Variants in KCNH8 observed in about 807,000 individuals in gnomAD.
KCNH8 encodes voltage-gated delayed rectifier potassium channel KCNH8.
In KCNH8, 70 loss-of-function variants were observed where a neutral mutation model predicts 103.6. The observed-to-expected ratio is 0.68, with a 90% CI of 0.56 to 0.82. The LOEUF (loss-of-function observed/expected upper bound fraction) is 0.82. Among genes scored for constraint, KCNH8 ranks in the 40% least tolerant of loss-of-function variants. The pLI is 0.00. For synonymous variants in KCNH8, 498 were observed against 489.4 expected, an observed-to-expected ratio of 1.02 and a Z score of -0.23; for missense variants, 1,217 against 1,329.9, an observed-to-expected ratio of 0.92 and a Z score of 1.32.
intron 11 of KCNH8, among the ~76,000 whole-genome samples, chr3:19,493,327 A>C (rs534210360): frequency 6.6e-6 from 1 of 152,138 alleles, no homozygotes; most frequent in South Asian, 2.1e-4. Flanking sequence ...TCTCATCTTA[A>C]ATTGTAATCC....
At chr3:19,258,112 C>A (rs996382513) in intron 2 of KCNH8, among the ~76,000 whole-genome samples, 1 of 152,004 alleles carries the variant, frequency 6.6e-6, no homozygotes, top group Non-Finnish European at 1.5e-5. Context: ...TCTGTAAAGA[C>A]CCTATCTTCA....
chr3:19,294,425 C>G (rs577258257), intron 3 of KCNH8, among the ~76,000 whole-genome samples: 1 of 152,130 alleles, frequency 6.6e-6, no homozygotes, highest in Admixed American at 6.5e-5. Context: ...AAAACACATG[C>G]AAAATTTCTA....
At chr3:19,429,274 C>T (rs1013194761) in intron 7 of KCNH8, among the ~76,000 whole-genome samples, 1 of 147,562 alleles carries the variant, frequency 6.8e-6, no homozygotes, top group East Asian at 2.1e-4. Flanking sequence ...TCCGGGTTCA[C>T]GGCATTCTCC....
intron 7 of KCNH8, among the ~76,000 whole-genome samples, chr3:19,396,599 A>G (rs1488435084): frequency 6.6e-6 from 1 of 152,076 alleles, no homozygotes; most frequent in Non-Finnish European, 1.5e-5. Flanking sequence ...AAAATGGGGA[A>G]ATAAAACTAC....
At chr3:19,310,523 A>C (rs1266578742) in intron 3 of KCNH8, among the ~76,000 whole-genome samples, 1 of 151,888 alleles carries the variant, frequency 6.6e-6, no homozygotes, top group African/African-American at 2.4e-5. Context: ...GAGAATCATA[A>C]CATTATTGTT....
intron 1 of KCNH8, among the ~76,000 whole-genome samples, chr3:19,209,946 T>C (rs1225005016): frequency 2.6e-5 from 4 of 152,058 alleles, no homozygotes; most frequent in Non-Finnish European, 4.4e-5. Context: ...GCGGAAATAC[T>C]GCATAAACCA....
intron 3 of KCNH8, among the ~76,000 whole-genome samples, chr3:19,336,883 T>A (rs955118577): frequency 6.6e-6 from 1 of 151,886 alleles, no homozygotes; most frequent in African/African-American, 2.4e-5. Flanking sequence ...TGAGAGAAAG[T>A]GGAAAGGAAA....
intron 1 of KCNH8, among the ~76,000 whole-genome samples, chr3:19,199,951 A>G (rs946263006): frequency 3.3e-5 from 5 of 152,084 alleles, no homozygotes; most frequent in Non-Finnish European, 5.9e-5. Flanking sequence ...ATTTCTTTTT[A>G]AACTGCTCGG....
At chr3:19,489,077 G>A (rs567518772) in intron 11 of KCNH8, among the ~76,000 whole-genome samples, 2 of 152,260 alleles carry the variant, frequency 1.3e-5, no homozygotes, top group East Asian at 3.9e-4. Context: ...AGGGGCATTT[G>A]GATTCCAGTC....
intron 2 of KCNH8, among the ~76,000 whole-genome samples, chr3:19,277,003 G>A (rs992462592): frequency 6.6e-6 from 1 of 152,084 alleles, no homozygotes; most frequent in Non-Finnish European, 1.5e-5. Context: ...ATACATAATG[G>A]AATATTATTT....
chr3:19,395,673 ATAACT>A (rs1437683336), intron 7 of KCNH8, among the ~76,000 whole-genome samples: 3 of 152,040 alleles, frequency 2.0e-5, no homozygotes, highest in Non-Finnish European at 4.4e-5. Flanking sequence ...TATCACTACG[ATAACT>A]TAACTAATAA....
intron 2 of KCNH8, among the ~76,000 whole-genome samples, chr3:19,258,945 C>CTATATATATATATATATA (rs1165506732): frequency 9.5e-5 from 4 of 42,252 alleles, no homozygotes; most frequent in Non-Finnish European, 1.4e-4. Context: ...CTCTCTCTCT[C>CTATATATATATATATATA]TCTATATATA....
At chr3:19,286,213 T>C (rs1234740139) in intron 3 of KCNH8, among the ~76,000 whole-genome samples, 2 of 152,224 alleles carry the variant, frequency 1.3e-5, no homozygotes, top group Non-Finnish European at 2.9e-5. Flanking sequence ...TATGAACTGA[T>C]TCGTGTCACT....
At chr3:19,355,980 A>C (rs1478535330) in intron 5 of KCNH8, among the ~76,000 whole-genome samples, 1 of 151,794 alleles carries the variant, frequency 6.6e-6, no homozygotes, top group African/African-American at 2.4e-5. Context: ...TAGTAGTATT[A>C]ATTTGGCATC....
At chr3:19,183,419 A>G (rs1048589990) in intron 1 of KCNH8, among the ~76,000 whole-genome samples, 1 of 152,150 alleles carries the variant, frequency 6.6e-6, no homozygotes, top group African/African-American at 2.4e-5. Context: ...GGTATCGTGC[A>G]TGCATGGAAC....
intron 3 of KCNH8, among the ~76,000 whole-genome samples, chr3:19,317,842 A>G (rs886413296): frequency 2.0e-5 from 3 of 151,988 alleles, no homozygotes; most frequent in African/African-American, 7.2e-5. Context: ...AATAAGAGCC[A>G]TATATGACAA....
chr3:19,326,424 A>G (rs931546981), intron 3 of KCNH8, among the ~76,000 whole-genome samples: 1 of 149,508 alleles, frequency 6.7e-6, no homozygotes, highest in Non-Finnish European at 1.5e-5. Flanking sequence ...TGGTGTTGAT[A>G]TTAACTAGAC....
intron 2 of KCNH8, among the ~76,000 whole-genome samples, chr3:19,264,464 T>C (rs1211768395): frequency 1.3e-5 from 2 of 152,160 alleles, no homozygotes; most frequent in Non-Finnish European, 2.9e-5. Context: ...GCAGGAGTTT[T>C]ACGTAAGTCC....
chr3:19,346,336 A>G (rs1474402585), intron 4 of KCNH8, among the ~76,000 whole-genome samples: 3 of 152,066 alleles, frequency 2.0e-5, no homozygotes, highest in Admixed American at 1.3e-4. Context: ...TCTTGAAACC[A>G]GAGAATGAGA....
Sources: gnomAD v4.1 joint callset for allele counts (sites outside exome capture counted in the v4.1 genomes callset) on GRCh38, gnomAD v4.1.1 for gene constraint, MANE v1.5 for transcripts, NCBI Gene and HGNC (gene_info 2026-07-23, HGNC 2026-07-21) for gene names.